ARHGEF38: variants seen among roughly 807,000 people sequenced by gnomAD.
ARHGEF38 encodes Rho guanine nucleotide exchange factor (GEF) 38.
ARHGEF38 carries 79 observed loss-of-function variants against 79.9 expected under a neutral mutation model. The ratio of observed to expected loss-of-function variants is 0.99; its 90% CI spans 0.82 to 1.19. The LOEUF is 1.19. Among genes scored for constraint, ARHGEF38 ranks in the 50% most tolerant of loss-of-function variants. ARHGEF38 has a pLI of 0.00. For missense variants in ARHGEF38, 962 were observed against 907.2 expected (o/e 1.06, Z -0.78); for synonymous variants, 366 against 328.3 (o/e 1.11, Z -1.24).
At chr4:105,640,352 C>T (rs896513605) in intron 5 of ARHGEF38, among the ~76,000 whole-genome samples, 1 of 152,172 alleles carries the variant, frequency 6.6e-6, no homozygotes, top group Non-Finnish European at 1.5e-5. Flanking sequence ...TCCACTTCAT[C>T]TACTTTCTCT....
chr4:105,655,019 T>C (rs980475325), intron 8 of ARHGEF38, among the ~76,000 whole-genome samples: 3 of 152,222 alleles, frequency 2.0e-5, no homozygotes, highest in Non-Finnish European at 4.4e-5. Context: ...TTATTTATTA[T>C]CTGATACAAA....
chr4:105,588,564 C>T (rs765648966), intron 1 of ARHGEF38, among the ~76,000 whole-genome samples: 2 of 152,188 alleles, frequency 1.3e-5, no homozygotes, highest in Non-Finnish European at 2.9e-5. Flanking sequence ...TGTGAGGCTT[C>T]CCATTTATCT....
intron 6 of ARHGEF38, 36 bp downstream of exon 6, chr4:105,645,423 T>C (rs992460774): frequency 6.9e-7 from 1 of 1,447,710 alleles, no homozygotes; most frequent in African/African-American, 1.4e-5. Flanking sequence ...TGTTTTCCAT[T>C]ATTGGAGTGT....
At chr4:105,566,374 G>A (rs1451717569) in intron 1 of ARHGEF38, among the ~76,000 whole-genome samples, 1 of 152,110 alleles carries the variant, frequency 6.6e-6, no homozygotes, top group African/African-American at 2.4e-5. Context: ...ATGGGTCACA[G>A]GTTATCATAA....
intron 4 of ARHGEF38, among the ~76,000 whole-genome samples, chr4:105,632,052 C>T (rs1213486383): frequency 7.2e-5 from 11 of 152,124 alleles, no homozygotes; most frequent in Admixed American, 7.2e-4. Flanking sequence ...GATGGGGATC[C>T]TAACGTGGTA....
At chr4:105,631,625 G>T in intron 4 of ARHGEF38, 1 of 985,180 alleles carries the variant, frequency 1.0e-6, no homozygotes, top group Middle Eastern at 5.2e-4. Context: ...TATTCACTGT[G>T]AAAATCTGAA....
chr4:105,589,068 A>G (rs1727192037), intron 1 of ARHGEF38, among the ~76,000 whole-genome samples, 180 bp from the exon 2 acceptor site: 1 of 152,174 alleles, frequency 6.6e-6, no homozygotes, highest in Non-Finnish European at 1.5e-5. Flanking sequence ...GTTCGCTCCC[A>G]CTTTTCTTCT....
intron 10 of ARHGEF38, among the ~76,000 whole-genome samples, chr4:105,661,827 A>G (rs1730576077): frequency 6.6e-6 from 1 of 152,104 alleles, no homozygotes; most frequent in South Asian, 2.1e-4. Flanking sequence ...TGTACTTCAT[A>G]TAAATGGAAT....
chr4:105,682,281 G>C (rs1578375738), downstream of ARHGEF38, among the ~76,000 whole-genome samples: 2 of 152,240 alleles, frequency 1.3e-5, no homozygotes, highest in South Asian at 4.1e-4. Flanking sequence ...ATAATTGGGA[G>C]GGAGAGGGAG....
At chr4:105,602,821 T>C (rs567312795) in intron 2 of ARHGEF38, among the ~76,000 whole-genome samples, 1 of 152,014 alleles carries the variant, frequency 6.6e-6, no homozygotes, top group East Asian at 1.9e-4. Context: ...AGGTAGTTGT[T>C]CAAAAAAAAG....
chr4:105,631,241 A>T, intron 4 of ARHGEF38, 196 bp downstream of exon 4: 1 of 1,242,212 alleles, frequency 8.1e-7, no homozygotes, highest in African/African-American at 1.5e-5. Flanking sequence ...TGCGAGAATG[A>T]CTAAAAATAA....
chr4:105,616,761 T>C (rs921650686), intron 3 of ARHGEF38, among the ~76,000 whole-genome samples: 4 of 152,114 alleles, frequency 2.6e-5, no homozygotes, highest in Admixed American at 2.6e-4. Flanking sequence ...TCATTGACCA[T>C]AGACAATCAG....
chr4:105,650,633 C>T (rs1227424456), intron 7 of ARHGEF38, among the ~76,000 whole-genome samples: 4 of 152,226 alleles, frequency 2.6e-5, no homozygotes, highest in Non-Finnish European at 5.9e-5. Flanking sequence ...CCCTGTGTGG[C>T]ATGTGGTGAC....
At chr4:105,562,006 C>A (rs763234465) in intron 1 of ARHGEF38, among the ~76,000 whole-genome samples, 1 of 151,602 alleles carries the variant, frequency 6.6e-6, no homozygotes, top group Non-Finnish European at 1.5e-5. Context: ...AGATTCATCT[C>A]TGTGTCAACT....
chr4:105,592,382 C>T (rs977202610), intron 2 of ARHGEF38, among the ~76,000 whole-genome samples: 2 of 152,056 alleles, frequency 1.3e-5, no homozygotes, highest in African/African-American at 4.8e-5. Context: ...GATGCCCAAG[C>T]CTACTCCCAC....
chr4:105,576,999 C>T lies in ARHGEF38; in HGVS notation c.197-12249C>T, dbSNP rs1013326794. 3.9e-5 allele frequency among the ~76,000 whole-genome samples: 6 copies of T among 151,922 alleles called. No homozygotes were observed. In the East Asian group the frequency reaches 1.2e-3, roughly 29 times the overall value. ...CATGGTGTATTACCTTTTTGATTTG[C>T]TGTTAGATTCAGCTAGCTAGTATTT... On this transcript the variant is annotated intron_variant, in intron 1 of 13. Transcript: ENST00000420470.
At chr4:105,637,415 CT>C (rs1270523995) in intron 5 of ARHGEF38, among the ~76,000 whole-genome samples, 4 of 152,100 alleles carry the variant, frequency 2.6e-5, no homozygotes, top group African/African-American at 4.8e-5. Context: ...CTTTTCTTTT[CT>C]TTTCCTTTCT....
At chr4:105,595,936 T>C (rs1326037369) in intron 2 of ARHGEF38, among the ~76,000 whole-genome samples, 1 of 152,220 alleles carries the variant, frequency 6.6e-6, no homozygotes, top group Non-Finnish European at 1.5e-5. Context: ...TATGCCATTA[T>C]GGAATATTTT....
chr4:105,622,802 G>A (rs1231704434), intron 3 of ARHGEF38, among the ~76,000 whole-genome samples: 2 of 152,028 alleles, frequency 1.3e-5, no homozygotes, highest in Admixed American at 1.3e-4. Flanking sequence ...GTCATTTTGG[G>A]GGAATATAAC....
Sources: allele counts gnomAD v4.1 joint callset (sites outside exome capture counted in the v4.1 genomes callset), GRCh38; gene constraint gnomAD v4.1.1; transcripts MANE v1.5; gene names NCBI Gene and HGNC (gene_info 2026-07-23, HGNC 2026-07-21).